Variants in ZDHHC20 observed in about 807,000 individuals in gnomAD.
ZDHHC20 encodes the protein palmitoyltransferase ZDHHC20.
In ZDHHC20, 43 loss-of-function variants were observed where a neutral mutation model predicts 57.8. The ratio of observed to expected loss-of-function variants is 0.74; its 90% CI spans 0.58 to 0.96. The LOEUF (loss-of-function observed/expected upper bound fraction) is 0.96. Ranked by LOEUF, ZDHHC20 falls within the 40% of genes least tolerant of loss-of-function variation. The pLI is 0.00. For missense variants in ZDHHC20, 391 were observed against 441.1 expected (o/e 0.89, Z 1.02); for synonymous variants, 157 against 153.0 (o/e 1.03, Z -0.19).
At chr13:21,396,439 G>A (rs113802253) in intron 7 of ZDHHC20, among the ~76,000 whole-genome samples, 1 of 152,092 alleles carries the variant, frequency 6.6e-6, no homozygotes, top group African/African-American at 2.4e-5. Flanking sequence ...AATTTATATG[G>A]AATAGACAAC....
At chr13:21,385,496 T>C (rs1238850993) in intron 9 of ZDHHC20, among the ~76,000 whole-genome samples, 1 of 152,144 alleles carries the variant, frequency 6.6e-6, no homozygotes, top group Non-Finnish European at 1.5e-5. Context: ...ACCAGCAGGC[T>C]AGACATTATA....
chr13:21,381,523 A>C lies in ZDHHC20; in HGVS notation c.971T>G (p.Ile324Ser). Residue 324 changes from isoleucine to serine, a missense_variant, in exon 11 of 13, where the codon ATC (isoleucine) becomes AGC (serine). Physicochemically the swap from Ile to Ser is moderately radical, Grantham distance 142 (BLOSUM62 -2). This residue lies in a region of ZDHHC20 where 197 missense variants were observed against 220.8 expected (regional missense o/e 0.89). Transcript: ENST00000400590. ...GTTTTTTGATTCACTAAGTGGTTTG[A>C]TAGGAAAAGGTTGATTTGAGCCACT... Reference protein sequence around the residue: ...RSSGSNQPFPIKPLSESKNRL... With the variant: ...RSSGSNQPFPSKPLSESKNRL... 6.2e-7 allele frequency: 1 copy of C among 1,613,798 alleles called. No homozygotes were observed. The highest frequency in any genetic ancestry group is 8.5e-7 in the Non-Finnish European group (1 of 1,179,798).
intron 1 of ZDHHC20, among the ~76,000 whole-genome samples, chr13:21,456,915 A>G (rs1241972647): frequency 6.6e-6 from 1 of 152,176 alleles, no homozygotes; most frequent in Non-Finnish European, 1.5e-5. Flanking sequence ...CTCATAGCTT[A>G]CTGAAGTTAT....
rs1872023034 is a variant in ZDHHC20 at position 21,376,066 on chromosome 13, A to G, written c.*630T>C. 6.6e-6 allele frequency: 1 copy of G among 152,218 alleles called. No homozygotes were observed. Among genetic ancestry groups the G allele is most frequent in the Non-Finnish European group, 1.5e-5 (1 of 68,036 alleles). 9.4% of individuals were successfully genotyped at this position (152,218 alleles called of 1,614,324 possible). ...ACTAAGCTTTCGATGAATTAGACCA[A>G]TGTGTTCTATGTTCTAAATGATATT... On this transcript the variant is annotated 3_prime_UTR_variant, in exon 13 of 13. Coordinates refer to ENST00000400590, the MANE Select transcript of ZDHHC20 (RefSeq NM_001330059.2).
At chr13:21,400,164 A>T (rs1877416097) in intron 7 of ZDHHC20, among the ~76,000 whole-genome samples, 1 of 151,924 alleles carries the variant, frequency 6.6e-6, no homozygotes, top group Non-Finnish European at 1.5e-5. Flanking sequence ...AAAGAGGCTC[A>T]CTATATCCTG....
intron 1 of ZDHHC20, among the ~76,000 whole-genome samples, chr13:21,456,187 C>A (rs548890162): frequency 6.6e-6 from 1 of 152,232 alleles, no homozygotes; most frequent in South Asian, 2.1e-4. Flanking sequence ...GGGTGGATTG[C>A]CTGAGGTCAG....
At chr13:21,398,264 A>G (rs1877104355) in intron 7 of ZDHHC20, among the ~76,000 whole-genome samples, 1 of 152,116 alleles carries the variant, frequency 6.6e-6, no homozygotes, top group Non-Finnish European at 1.5e-5. Context: ...GGAGATCGAG[A>G]CCATCCTGGC....
intron 4 of ZDHHC20, 57 bp downstream of exon 4, chr13:21,413,595 C>A: frequency 6.7e-7 from 1 of 1,485,282 alleles, no homozygotes; most frequent in Admixed American, 2.1e-5. Context: ...TATATCCTGG[C>A]AGGAATAAGC....
At chr13:21,441,549 C>G (rs1295308928) in intron 1 of ZDHHC20, among the ~76,000 whole-genome samples, 2 of 65,340 alleles carry the variant, frequency 3.1e-5, no homozygotes, top group Admixed American at 2.4e-4. Flanking sequence ...CCACGCCCGG[C>G]TTTTTTTTTT....
At chr13:21,415,427 C>T (rs1879834124) in intron 3 of ZDHHC20, among the ~76,000 whole-genome samples, 1 of 152,146 alleles carries the variant, frequency 6.6e-6, no homozygotes, top group South Asian at 2.1e-4. Flanking sequence ...GGACAAGAAA[C>T]CCCCAAATTA....
chr13:21,415,999 A>C (rs1199814527), intron 3 of ZDHHC20, among the ~76,000 whole-genome samples: 2 of 151,920 alleles, frequency 1.3e-5, no homozygotes, highest in Admixed American at 6.6e-5. Flanking sequence ...TCAGGAATTC[A>C]AGACCAGCCT....
chr13:21,394,633 T>C (rs1876442270), intron 7 of ZDHHC20, among the ~76,000 whole-genome samples: 1 of 152,248 alleles, frequency 6.6e-6, no homozygotes, highest in Non-Finnish European at 1.5e-5. Context: ...AAAAAAGTTA[T>C]TCATTCTTTA....
intron 9 of ZDHHC20, among the ~76,000 whole-genome samples, chr13:21,386,253 AT>A (rs1874465943): frequency 6.6e-6 from 1 of 152,214 alleles, no homozygotes; most frequent in Non-Finnish European, 1.5e-5. Flanking sequence ...GACTGATAAC[AT>A]GTGTAATTGG....
chr13:21,398,790 C>T (rs530395181), intron 7 of ZDHHC20, among the ~76,000 whole-genome samples: 36 of 152,286 alleles, frequency 2.4e-4, no homozygotes, highest in Non-Finnish European at 4.6e-4. Context: ...GTGTCTTCCT[C>T]ATGTCTACTG....
In ZDHHC20 at chr13:21,374,260, C is replaced by A; in HGVS notation, c.*2436G>T. ...TATATTTTTGAGATGGAGTTTCACT[C>A]GTCGCCCAGGCTGGAGTGCAGTGGC... On this transcript the variant is annotated 3_prime_UTR_variant, in exon 13 of 13. Coordinates refer to ENST00000400590, the MANE Select transcript of ZDHHC20 (RefSeq NM_001330059.2). The A allele has an allele frequency of 3.6e-6, 1 of 277,266 alleles. No individual in the cohort carries two copies. Among genetic ancestry groups the A allele is most frequent in the South Asian group, 3.4e-5 (1 of 29,166 alleles). 17.2% of individuals were successfully genotyped at this position (277,266 alleles called of 1,614,324 possible). A position where few individuals can be genotyped will look rare whatever the true frequency, so the allele number is the denominator to read the frequency against.
Position 21,375,363 on chromosome 13 carries a change from GTGTC to G in ZDHHC20, c.*1329_*1332del, listed in dbSNP as rs748806606. Reference sequence around the variant, plus strand: ...TTTTGGGGGGGGTGTGTGTGTGTGTGTGTCTGTCTGTCTAAAAGGTGTAAATGAG... The same window carrying G: ...TTTTGGGGGGGGTGTGTGTGTGTGTGTGTCTGTCTAAAAGGTGTAAATGAG... On this transcript the variant is annotated 3_prime_UTR_variant, in exon 13 of 13. Transcript: ENST00000400590. 2.9e-5 allele frequency: 10 copies of G among 349,708 alleles called. No homozygotes were observed. Among genetic ancestry groups the G allele is most frequent in the Admixed American group, 7.8e-5 (2 of 25,614 alleles). 21.7% of individuals were successfully genotyped at this position (349,708 alleles called of 1,614,324 possible). A position where few individuals can be genotyped will look rare whatever the true frequency, so the allele number is the denominator to read the frequency against.
chr13:21,446,742 T>A (rs1380387481), intron 1 of ZDHHC20, among the ~76,000 whole-genome samples: 1 of 152,230 alleles, frequency 6.6e-6, no homozygotes, highest in Non-Finnish European at 1.5e-5. Context: ...GTTGCTTATA[T>A]GCTTACAGGA....
intron 7 of ZDHHC20, among the ~76,000 whole-genome samples, chr13:21,399,900 G>A (rs1273359502): frequency 1.3e-5 from 2 of 151,904 alleles, no homozygotes; most frequent in East Asian, 3.9e-4. Context: ...CATAGTTTCA[G>A]GGGACCTCAG....
Position 21,378,619 on chromosome 13 carries a change from A to G in ZDHHC20, c.*40+42T>C, listed in dbSNP as rs1183923039. On this transcript the variant is annotated intron_variant, in intron 12 of 12. Transcript: ENST00000400590. Reference sequence around the variant, plus strand: ...TGTTTAAAGATTATGAAATATGCAAATAAGCTGCATTTATTCAAGGATTAC... The same window carrying G: ...TGTTTAAAGATTATGAAATATGCAAGTAAGCTGCATTTATTCAAGGATTAC... The G allele has an allele frequency of 1.7e-5, 19 of 1,139,054 alleles. No individual in the cohort carries two copies. The Admixed American group carries it at 6.8e-4, about 41-fold the overall frequency. 70.6% of individuals were successfully genotyped at this position (1,139,054 alleles called of 1,614,324 possible).
Sources: allele counts gnomAD v4.1 joint callset (sites outside exome capture counted in the v4.1 genomes callset), GRCh38; gene constraint gnomAD v4.1.1; regional missense constraint gnomAD v4.1.1; transcripts MANE v1.5; gene names NCBI Gene and HGNC (gene_info 2026-07-23, HGNC 2026-07-21).